KMT2C: variants seen among roughly 807,000 people sequenced by gnomAD.
The protein encoded by KMT2C is histone-lysine N-methyltransferase 2C.
KMT2C carries 88 observed loss-of-function variants against 507.9 expected under a neutral mutation model. That is an observed-to-expected ratio of 0.17 (90% CI 0.15 to 0.21). The LOEUF is 0.21. Among genes scored for constraint, KMT2C ranks in the 10% least tolerant of loss-of-function variants. The probability of loss-of-function intolerance (pLI) is 1.00; values close to 1 mark genes in which losing one functional copy is unlikely to be tolerated. For synonymous variants in KMT2C, 2,049 were observed against 2,080.8 expected, an observed-to-expected ratio of 0.98 and a Z score of 0.42; for missense variants, 4,954 against 5,957.8, an observed-to-expected ratio of 0.83 and a Z score of 5.55.
At chr7:152,228,529 T>A (rs1009404783) in intron 18 of KMT2C, among the ~76,000 whole-genome samples, 1 of 152,222 alleles carries the variant, frequency 6.6e-6, no homozygotes, top group Non-Finnish European at 1.5e-5. Flanking sequence ...ACATAATTTT[T>A]AAAAACAGGA....
At chr7:152,297,346 A>C (rs2096526103) in intron 6 of KMT2C, among the ~76,000 whole-genome samples, 2 of 152,180 alleles carry the variant, frequency 1.3e-5, no homozygotes, top group Non-Finnish European at 2.9e-5. Context: ...ACTGCACAGA[A>C]TGCTGAGAGG....
intron 9 of KMT2C, among the ~76,000 whole-genome samples, chr7:152,253,881 G>A (rs1588618717): frequency 6.6e-6 from 1 of 152,144 alleles, no homozygotes; most frequent in East Asian, 1.9e-4. Flanking sequence ...AACTACTTCT[G>A]TGCCTGTGAG....
rs190186924 is a variant in KMT2C, at chr7:152,231,043, C to T, written c.2770-722G>A. On this transcript the variant is annotated intron_variant, in intron 16 of 58. Transcript: ENST00000262189. ...TATTGGTCAGGCTGGTCTCTAACTCCTGACCGCAAATGATCCACTGCACCC... is the reference window on the plus strand; with the variant it reads ...TATTGGTCAGGCTGGTCTCTAACTCTTGACCGCAAATGATCCACTGCACCC... Among the ~76,000 whole-genome samples, 248 of 152,294 alleles carry T rather than the reference C, an allele frequency of 1.6e-3. 2 individuals are homozygous for T. The highest frequency in any genetic ancestry group is 2.5e-3 in the Non-Finnish European group (171 of 68,020).
intron 14 of KMT2C, among the ~76,000 whole-genome samples, chr7:152,246,173 T>C (rs1305843243): frequency 6.6e-6 from 1 of 152,166 alleles, no homozygotes; most frequent in Non-Finnish European, 1.5e-5. Context: ...ATTCATACTC[T>C]CCCTAATAAC....
At chr7:152,299,682 G>A (rs1295229571) in intron 6 of KMT2C, among the ~76,000 whole-genome samples, 1 of 151,634 alleles carries the variant, frequency 6.6e-6, no homozygotes, top group African/African-American at 2.4e-5. Context: ...ATGATGCAAG[G>A]AACAGATAGA....
chr7:152,376,096 T>C (rs1427117964), intron 1 of KMT2C, among the ~76,000 whole-genome samples: 1 of 152,178 alleles, frequency 6.6e-6, no homozygotes, highest in Non-Finnish European at 1.5e-5. Context: ...TGAGCTACCA[T>C]GCTATCTTTG....
At chr7:152,232,004 C>A (rs191650950) in intron 16 of KMT2C, among the ~76,000 whole-genome samples, 1 of 127,998 alleles carries the variant, frequency 7.8e-6, no homozygotes, top group Non-Finnish European at 1.7e-5. Context: ...CTCAGCCTCC[C>A]GAGTAGCTGG....
intron 1 of KMT2C, among the ~76,000 whole-genome samples, chr7:152,434,207 T>A (rs192610233): frequency 6.6e-6 from 1 of 152,330 alleles, no homozygotes; most frequent in Admixed American, 6.5e-5. Context: ...AGTGGCATAA[T>A]AAATAAGTCC....
chr7:152,254,326 C>T (rs1427464141), intron 9 of KMT2C, among the ~76,000 whole-genome samples: 1 of 151,790 alleles, frequency 6.6e-6, no homozygotes, highest in Non-Finnish European at 1.5e-5. Context: ...GAAAAACAAT[C>T]CTAAATAAAA....
At position 152,148,021 on chromosome 7, in the gene KMT2C, G is replaced by T; in HGVS notation, c.13894+12C>A. ...AAGTAGCACTGCACAGCATGTGAAC[G>T]GCAGACGTTACCTTTAGGTGAGATG... On this transcript the variant is annotated intron_variant, in intron 52 of 58. Transcript: ENST00000262189. This position sits in a 1 kb window ranked among gnomAD's most constrained non-coding sequence, Gnocchi z 7.1. 6.4e-7 allele frequency: 1 copy of T among 1,556,480 alleles called. No individual in the cohort carries two copies. Among genetic ancestry groups the T allele is most frequent in the South Asian group, 1.2e-5 (1 of 82,182 alleles).
In KMT2C at chr7:152,155,956, G is replaced by A. The variant is rs2129099631; in HGVS notation, c.11914C>T (p.Pro3972Ser). ...LAQGPKTVDV[P>S]ASLPTPPHNN... The stretch of plus-strand genomic sequence containing the variant: ...TGAGGTGGTGTTGGGAGGGAGGCTG[G>A]CACATCAACTGTCTTGGGGCCCTGA... The change falls in exon 46 of 59, where the codon CCA becomes TCA. Residue 3972 changes from proline (P) to serine (S), a missense_variant. Physicochemically the swap from Pro to Ser is moderately conservative, Grantham distance 74 (BLOSUM62 -1). Around this residue, in one of 29 missense-constraint regions of KMT2C, gnomAD observed 104 missense variants for 134.3 expected, o/e 0.77. Coordinates refer to ENST00000262189, the MANE Select transcript of KMT2C (RefSeq NM_170606.3). 1 of 1,610,004 alleles carries A rather than the reference G, an allele frequency of 6.2e-7. No homozygotes were observed. The highest frequency in any genetic ancestry group is 8.5e-7 in the Non-Finnish European group (1 of 1,179,164).
intron 31 of KMT2C, among the ~76,000 whole-genome samples, chr7:152,190,387 A>G (rs1277440272): frequency 6.6e-6 from 1 of 152,178 alleles, no homozygotes; most frequent in Non-Finnish European, 1.5e-5. Context: ...TTTTCCCAAT[A>G]GTAATATTAG....
chr7:152,243,948 A>G (rs987063446), intron 14 of KMT2C, among the ~76,000 whole-genome samples: 4 of 152,234 alleles, frequency 2.6e-5, no homozygotes, highest in African/African-American at 7.2e-5. Flanking sequence ...ATATCTTTCT[A>G]TAAGACGTGA....
In KMT2C at chr7:152,194,142, CAAT is replaced by C. The variant is rs1411855867; in HGVS notation, c.4541-17_4541-15del. The C allele has an allele frequency of 1.9e-5, 29 of 1,565,400 alleles. No individual in the cohort carries two copies. Among genetic ancestry groups the C allele is most frequent in the African/African-American group, 4.2e-5 (3 of 71,952 alleles). ...TTCCGCCAAGCTCTAGGAGATAAAACAATAATAGTAACAAGATTAAAAGACTAG... is the reference window on the plus strand; with the variant it reads ...TTCCGCCAAGCTCTAGGAGATAAAACAATAGTAACAAGATTAAAAGACTAG... On this transcript the variant is annotated splice_polypyrimidine_tract_variant and intron_variant, in intron 30 of 58. Coordinates refer to ENST00000262189, the MANE Select transcript of KMT2C (RefSeq NM_170606.3).
chr7:152,169,933 G>C (rs2092889263), intron 40 of KMT2C, among the ~76,000 whole-genome samples: 1 of 152,144 alleles, frequency 6.6e-6, no homozygotes, highest in South Asian at 2.1e-4. Context: ...TGAACAAGCA[G>C]TTATTAATCT....
chr7:152,290,663 C>T (rs1426500273), intron 6 of KMT2C, among the ~76,000 whole-genome samples: 1 of 151,954 alleles, frequency 6.6e-6, no homozygotes, highest in Non-Finnish European at 1.5e-5. Context: ...GGATTGCAGT[C>T]TTCAGATTGC....
intron 13 of KMT2C, among the ~76,000 whole-genome samples, chr7:152,248,949 TAA>T (rs1434334154): frequency 2.0e-5 from 3 of 152,120 alleles, no homozygotes; most frequent in African/African-American, 4.8e-5. Context: ...AGTTAAAAAG[TAA>T]AGAGTGATCT....
Position 152,297,069 on chromosome 7 carries a change from G to A in KMT2C, c.849+12897C>T, listed in dbSNP as rs1055318797. Among the ~76,000 whole-genome samples, 389 of 127,490 alleles carry A rather than the reference G, an allele frequency of 3.1e-3. 10 individuals are homozygous for A. Among genetic ancestry groups the A allele is most frequent in the African/African-American group, 0.015 (372 of 24,608 alleles). The allele number at this position is 127,490 out of a possible 152,430, so 83.6% of individuals were successfully genotyped here. A position where few individuals can be genotyped will look rare whatever the true frequency, so the allele number is the denominator to read the frequency against. On this transcript the variant is annotated intron_variant, in intron 6 of 58. Transcript: ENST00000262189. ...AGAAAGAAAGACAGAGAGAGAGAGA[G>A]AGAGAGAGAGAGAGAGAGAGAGAGA...
At chr7:152,302,344 C>A (rs2096576901) in intron 6 of KMT2C, among the ~76,000 whole-genome samples, 1 of 152,116 alleles carries the variant, frequency 6.6e-6, no homozygotes, top group African/African-American at 2.4e-5. Context: ...CTGCCTCAGC[C>A]TCTCGAGTAG....
Sources: gnomAD v4.1 joint callset for allele counts (sites outside exome capture counted in the v4.1 genomes callset) on GRCh38, gnomAD v4.1.1 for gene constraint, gnomAD v4.1.1 regional missense constraint, Gnocchi (gnomAD v3.1) non-coding constraint, MANE v1.5 for transcripts, NCBI Gene and HGNC (gene_info 2026-07-23, HGNC 2026-07-21) for gene names.